GALNT11: variants seen among roughly 807,000 people sequenced by gnomAD.
The protein encoded by GALNT11 is UDP-GalNAc:polypeptide N-acetylgalactosaminyltransferase 11.
GALNT11 carries 47 observed loss-of-function variants against 72.7 expected under a neutral mutation model. The ratio of observed to expected loss-of-function variants is 0.65; its 90% CI spans 0.51 to 0.82. The LOEUF is 0.82. GALNT11 is among the 40% of genes least tolerant of loss of function. The probability of loss-of-function intolerance (pLI) is 0.00; values close to 1 mark genes in which losing one functional copy is unlikely to be tolerated. For synonymous variants in GALNT11, 270 were observed against 286.6 expected, an observed-to-expected ratio of 0.94 and a Z score of 0.58; for missense variants, 677 against 778.4, an observed-to-expected ratio of 0.87 and a Z score of 1.55.
intron 1 of GALNT11, among the ~76,000 whole-genome samples, chr7:152,058,393 G>A (rs1269565081): frequency 6.6e-6 from 1 of 152,066 alleles, no homozygotes; most frequent in African/African-American, 2.4e-5. Flanking sequence ...TGCCCAGGTT[G>A]GTGCCATCTC....
chr7:152,072,232 T>C (rs151066003), intron 1 of GALNT11, among the ~76,000 whole-genome samples: 2,210 of 151,182 alleles, frequency 0.015, 55 homozygotes, highest in African/African-American at 0.05. Flanking sequence ...GGCAGAAGAA[T>C]TGCTTCAACC....
At chr7:152,029,345 C>G (rs1311098012) in intron 1 of GALNT11, among the ~76,000 whole-genome samples, 2 of 152,176 alleles carry the variant, frequency 1.3e-5, no homozygotes, top group African/African-American at 4.8e-5. Flanking sequence ...ACTGGCTATT[C>G]CAGTTCCTGT....
rs535012637 is a variant in GALNT11, at chr7:152,108,260, G to C, written c.935G>C (p.Arg312Pro). ...WDLVPLSELG[R>P]AEGATAPIKS... Reference sequence around the variant, plus strand: ...CTTGTCCCCCTTTCTGAGCTAGGACGAGCGGAGGGAGCCACTGCACCAATA... The same window carrying C: ...CTTGTCCCCCTTTCTGAGCTAGGACCAGCGGAGGGAGCCACTGCACCAATA... Residue 312 changes from arginine (R) to proline (P), a missense_variant, in exon 6 of 12, where the codon CGA becomes CCA. Physicochemically the swap from Arg to Pro is moderately radical, Grantham distance 103. Transcript: ENST00000430044. 7.4e-6 allele frequency: 12 copies of C among 1,612,678 alleles called. No individual in the cohort carries two copies. The East Asian group carries it at 2.5e-4, about 33-fold the overall frequency.
chr7:152,056,611 A>G (rs1029976831), intron 1 of GALNT11, among the ~76,000 whole-genome samples: 1 of 152,212 alleles, frequency 6.6e-6, no homozygotes, highest in Non-Finnish European at 1.5e-5. Context: ...TGAAATTTGT[A>G]TTAAATAATG....
At chr7:152,053,785 G>C (rs985439885) in intron 1 of GALNT11, among the ~76,000 whole-genome samples, 1 of 152,150 alleles carries the variant, frequency 6.6e-6, no homozygotes. Flanking sequence ...CTTGAGGCCA[G>C]GAGTTTGAGA....
chr7:152,043,217 C>T (rs1225632041), intron 1 of GALNT11, among the ~76,000 whole-genome samples: 1 of 152,166 alleles, frequency 6.6e-6, no homozygotes, highest in East Asian at 1.9e-4. Flanking sequence ...TCAGTGACTC[C>T]TGTTTGTACT....
intron 1 of GALNT11, among the ~76,000 whole-genome samples, chr7:152,051,205 T>G (rs2083382904): frequency 6.1e-5 from 9 of 146,690 alleles, no homozygotes; most frequent in African/African-American, 2.3e-4. Flanking sequence ...GGTTGTTTTT[T>G]TTTTTTTTTT....
At chr7:152,091,138 C>G (rs2086003220) in intron 1 of GALNT11, among the ~76,000 whole-genome samples, 3 of 151,948 alleles carry the variant, frequency 2.0e-5, no homozygotes, top group Admixed American at 1.3e-4. Context: ...ACCTCTGCTC[C>G]CGGGTTCAAG....
intron 1 of GALNT11, among the ~76,000 whole-genome samples, chr7:152,086,724 A>G (rs961394787): frequency 6.6e-6 from 1 of 152,234 alleles, no homozygotes; most frequent in African/African-American, 2.4e-5. Context: ...GAACCTAAGG[A>G]AAGTAGTTTC....
intron 1 of GALNT11, among the ~76,000 whole-genome samples, chr7:152,028,048 G>C (rs769731650): frequency 2.0e-5 from 3 of 152,236 alleles, no homozygotes; most frequent in Non-Finnish European, 4.4e-5. Flanking sequence ...TGAAGCCACA[G>C]ACCTTCACAG....
chr7:152,121,069 T>C, intron 11 of GALNT11, 101 bp downstream of exon 11: 2 of 1,423,036 alleles, frequency 1.4e-6, no homozygotes, highest in Non-Finnish European at 1.9e-6. Context: ...GGGGTGGTCT[T>C]CTCAGTCTGC....
intron 1 of GALNT11, among the ~76,000 whole-genome samples, chr7:152,054,766 A>G (rs1215609505): frequency 1.3e-5 from 2 of 151,390 alleles, no homozygotes; most frequent in African/African-American, 4.9e-5. Context: ...CGATCCGCCC[A>G]CCTCAGCCTC....
intron 1 of GALNT11, among the ~76,000 whole-genome samples, chr7:152,089,018 C>G (rs951988832): frequency 1.3e-5 from 2 of 152,178 alleles, no homozygotes; most frequent in African/African-American, 4.8e-5. Flanking sequence ...CATAGCATTG[C>G]AGTCAAGAAA....
At chr7:152,084,474 G>A (rs1331212819) in intron 1 of GALNT11, among the ~76,000 whole-genome samples, 1 of 150,854 alleles carries the variant, frequency 6.6e-6, no homozygotes, top group Non-Finnish European at 1.5e-5. Flanking sequence ...TTCTCTCACA[G>A]TGTTTTCAAA....
intron 1 of GALNT11, among the ~76,000 whole-genome samples, chr7:152,077,578 G>T (rs2085062200): frequency 6.6e-6 from 1 of 152,110 alleles, no homozygotes; most frequent in Non-Finnish European, 1.5e-5. Flanking sequence ...AAGCTCCATG[G>T]GGTCACCTGG....
At chr7:152,038,419 T>C (rs1485345598) in intron 1 of GALNT11, among the ~76,000 whole-genome samples, 1 of 152,252 alleles carries the variant, frequency 6.6e-6, no homozygotes, top group Non-Finnish European at 1.5e-5. Flanking sequence ...CTTATGCTAT[T>C]GTTTGTGGTT....
At chr7:152,049,594 C>G (rs1056125080) in intron 1 of GALNT11, among the ~76,000 whole-genome samples, 3 of 152,072 alleles carry the variant, frequency 2.0e-5, no homozygotes, top group African/African-American at 7.2e-5. Context: ...AGCACAACAC[C>G]AGGTCTCAAC....
chr7:152,051,199 G>GTTTTTTTTT (rs35668155), intron 1 of GALNT11, among the ~76,000 whole-genome samples: 2 of 46,808 alleles, frequency 4.3e-5, no homozygotes, highest in Non-Finnish European at 9.8e-5. Context: ...ATATCTGGTT[G>GTTTTTTTTT]TTTTTTTTTT....
rs565287405 is a variant in GALNT11, at chr7:152,073,538, T to C, written c.-38-20652T>C. ...TTATATTCCACATTTTCTTTATCTGTTTATCTGTTGGACACCCAGATTCAT... is the reference window on the plus strand; with the variant it reads ...TTATATTCCACATTTTCTTTATCTGCTTATCTGTTGGACACCCAGATTCAT... On this transcript the variant is annotated intron_variant, in intron 1 of 11. Coordinates refer to ENST00000430044, the MANE Select transcript of GALNT11 (RefSeq NM_022087.4). 1.4e-4 allele frequency among the ~76,000 whole-genome samples: 22 copies of C among 152,352 alleles called. No homozygotes were observed. In the South Asian group the frequency reaches 4.6e-3, roughly 32 times the overall value.
Sources: allele counts gnomAD v4.1 joint callset (sites outside exome capture counted in the v4.1 genomes callset), GRCh38; gene constraint gnomAD v4.1.1; transcripts MANE v1.5; gene names NCBI Gene and HGNC (gene_info 2026-07-23, HGNC 2026-07-21).